OSGEPL1: variants seen among roughly 807,000 people sequenced by gnomAD.
OSGEPL1 encodes the protein tRNA N6-adenosine threonylcarbamoyltransferase, mitochondrial.
In OSGEPL1, 26 loss-of-function variants were observed where a neutral mutation model predicts 37.2. That is an observed-to-expected ratio of 0.70 (90% CI 0.51 to 0.97). OSGEPL1 has a LOEUF of 0.97. Among genes scored for constraint, OSGEPL1 ranks in the 50% least tolerant of loss-of-function variants. The probability of loss-of-function intolerance (pLI) is 0.00; values close to 1 mark genes in which losing one functional copy is unlikely to be tolerated. For missense variants in OSGEPL1, 404 were observed against 487.0 expected (o/e 0.83, Z 1.60); for synonymous variants, 140 against 159.9 (o/e 0.88, Z 0.94).
intron 8 of OSGEPL1, among the ~76,000 whole-genome samples, chr2:189,748,604 G>A (rs2044553129): frequency 6.6e-6 from 1 of 152,104 alleles, no homozygotes; most frequent in Admixed American, 6.5e-5. Context: ...ACAACTTTCT[G>A]GTGGATTGAC....
At chr2:189,754,430 A>C in intron 3 of OSGEPL1, 85 bp from the exon 4 acceptor site, 1 of 1,270,818 alleles carries the variant, frequency 7.9e-7, no homozygotes, top group Non-Finnish European at 1.1e-6. Flanking sequence ...GAAAATTACT[A>C]ACAAAACAAA....
rs766224895 is a variant in OSGEPL1 at position 189,755,343 on chromosome 2, G to C, written c.439C>G (p.His147Asp). 2.5e-6 allele frequency: 4 copies of C among 1,613,440 alleles called. No individual in the cohort carries two copies. The highest frequency in any genetic ancestry group is 3.4e-6 in the Non-Finnish European group (4 of 1,179,684). Residue 147 changes from histidine to aspartate, a missense_variant, in exon 3 of 9, where the codon CAT becomes GAT. Physicochemically the swap from His to Asp is moderately conservative, Grantham distance 81. Transcript: ENST00000264151. ...ATAGTAAGTGCATGAGCCTCCATAT[G>C]ATGAATGGGAATGAATGGCTTTTTT... ...QLKKPFIPIHHMEAHALTIRL... is the reference protein window; with the variant it reads ...QLKKPFIPIHDMEAHALTIRL...
rs184951092 is a variant in OSGEPL1, at chr2:189,746,883, A to G, written c.*314T>C. ...AAATTTATTGACTGACATGAGTGGT[A>G]TAACTAGTGTATATATCAAGAGTTA... On this transcript the variant is annotated 3_prime_UTR_variant, in exon 9 of 9. Transcript: ENST00000264151. The G allele has an allele frequency of 1.7e-5, 5 of 302,604 alleles. No homozygotes were observed. The highest frequency in any genetic ancestry group is 9.6e-5 in the Admixed American group (2 of 20,732). The allele number at this position is 302,604 out of a possible 1,614,324, so 18.7% of individuals were successfully genotyped here. A position where few individuals can be genotyped will look rare whatever the true frequency, so the allele number is the denominator to read the frequency against.
rs562148670 is a variant in OSGEPL1 at position 189,751,440 on chromosome 2, T to C, written c.1167-784A>G. 4.8e-5 allele frequency among the ~76,000 whole-genome samples: 7 copies of C among 145,358 alleles called. No individual in the cohort carries two copies. The South Asian group carries it at 1.3e-3, about 27-fold the overall frequency. The stretch of plus-strand genomic sequence containing the variant: ...AGTTACGGAATATAATGCTGACAAG[T>C]TGTGTTTTTTTTTTTTTTTTTTGAG... On this transcript the variant is annotated intron_variant, in intron 7 of 8. Transcript: ENST00000264151.
intron 7 of OSGEPL1, 77 bp downstream of exon 7, chr2:189,752,576 C>T: frequency 3.5e-6 from 5 of 1,419,268 alleles, no homozygotes; most frequent in Non-Finnish European, 4.9e-6. Flanking sequence ...CAATGAAAAC[C>T]TCATATATAA....
intron 3 of OSGEPL1, 146 bp downstream of exon 3, chr2:189,755,027 A>G (rs2045894306): frequency 4.3e-6 from 4 of 919,850 alleles, no homozygotes; most frequent in Non-Finnish European, 6.3e-6. Context: ...TACTCTTTCT[A>G]TTTTTTCTCA....
At chr2:189,748,029 G>A (rs1032092634) in intron 8 of OSGEPL1, among the ~76,000 whole-genome samples, 3 of 152,066 alleles carry the variant, frequency 2.0e-5, no homozygotes, top group Non-Finnish European at 2.9e-5. Context: ...TCCACTTGCT[G>A]AATTGCCTCC....
intron 2 of OSGEPL1, among the ~76,000 whole-genome samples, chr2:189,758,417 C>G (rs375645532): frequency 6.6e-6 from 1 of 151,874 alleles, no homozygotes; most frequent in African/African-American, 2.4e-5. Context: ...CCTCACCCCC[C>G]CTCTCTCGGT....
intron 8 of OSGEPL1, among the ~76,000 whole-genome samples, chr2:189,749,290 T>G (rs200565757): frequency 2.9e-3 from 1 of 348 alleles, no homozygotes; most frequent in African/African-American, 5.0e-3. Flanking sequence ...TACTCCACGG[T>G]TTTTTTTTTT....
At chr2:189,757,661 C>T (rs1574898910) in intron 2 of OSGEPL1, among the ~76,000 whole-genome samples, 1 of 152,196 alleles carries the variant, frequency 6.6e-6, no homozygotes, top group Non-Finnish European at 1.5e-5. Flanking sequence ...TAGTAAATGG[C>T]TGAACCAGAA....
intron 1 of OSGEPL1, chr2:189,762,413 A>C (rs1299015556): frequency 9.9e-6 from 2 of 202,398 alleles, no homozygotes; most frequent in Non-Finnish European, 1.8e-5. Flanking sequence ...CAGGGATTAG[A>C]GATGAGCGAC....
intron 8 of OSGEPL1, among the ~76,000 whole-genome samples, chr2:189,749,244 TAA>T (rs397987026): frequency 0.028 from 1,755 of 63,166 alleles, 27 homozygotes; most frequent in African/African-American, 0.089. Context: ...AGACTCTGTC[TAA>T]AAAAAAAAAA....
At chr2:189,754,740 T>C (rs536313676) in intron 3 of OSGEPL1, 10 of 227,638 alleles carry the variant, frequency 4.4e-5, no homozygotes, top group Non-Finnish European at 6.5e-5. Flanking sequence ...CTCTGTAGTA[T>C]TCTAAAACAA....
chr2:189,760,312 C>T (rs1049663191), intron 2 of OSGEPL1, among the ~76,000 whole-genome samples: 2 of 152,198 alleles, frequency 1.3e-5, no homozygotes, highest in Non-Finnish European at 2.9e-5. Flanking sequence ...AGAGGGGCTC[C>T]TCACTTCCCA....
At chr2:189,749,043 G>A (rs1246406119) in intron 8 of OSGEPL1, among the ~76,000 whole-genome samples, 11 of 151,832 alleles carry the variant, frequency 7.2e-5, no homozygotes, top group South Asian at 2.1e-4. Context: ...TCAGGAGTTC[G>A]AGACCAGCCT....
chr2:189,763,186 T>C (rs543646254), upstream of OSGEPL1: 6 of 984,928 alleles, frequency 6.1e-6, no homozygotes, highest in South Asian at 2.4e-4. Context: ...ATCGGAGAAA[T>C]AGGATGGAAT....
upstream of OSGEPL1, chr2:189,762,833 T>C (rs2047328135): frequency 2.0e-6 from 2 of 985,460 alleles, no homozygotes; most frequent in Non-Finnish European, 2.4e-6. Context: ...AGCTGGCTGC[T>C]GTTCCGCTAG....
At chr2:189,762,611 C>T (rs936540912) in intron 1 of OSGEPL1, 74 bp downstream of exon 1, 4 of 985,330 alleles carry the variant, frequency 4.1e-6, no homozygotes, top group Admixed American at 1.2e-4. Flanking sequence ...AAGGCGGCGA[C>T]GGGCGCAAAC....
intron 1 of OSGEPL1, 71 bp from the exon 2 acceptor site, chr2:189,761,731 T>A (rs988281464): frequency 4.3e-6 from 6 of 1,394,332 alleles, no homozygotes; most frequent in Middle Eastern, 2.7e-4. Context: ...CAATATATAG[T>A]TTTACAGAAT....
Sources: gnomAD v4.1 joint callset for allele counts (sites outside exome capture counted in the v4.1 genomes callset) on GRCh38, gnomAD v4.1.1 for gene constraint, MANE v1.5 for transcripts, NCBI Gene and HGNC (gene_info 2026-07-23, HGNC 2026-07-21) for gene names.